Variants in MYH15 observed in about 807,000 individuals in gnomAD.
The protein encoded by MYH15 is myosin heavy chain 15, also known as myosin-15.
In MYH15, 227 loss-of-function variants were observed where a neutral mutation model predicts 240.5. That is an observed-to-expected ratio of 0.94 (90% CI 0.85 to 1.05). The LOEUF is 1.05. Among genes scored for constraint, MYH15 ranks in the 50% least tolerant of loss-of-function variants. The pLI is 0.00. For missense variants in MYH15, 2,217 were observed against 2,247.5 expected, an observed-to-expected ratio of 0.99 and a Z score of 0.27; for synonymous variants, 785 against 796.7, an observed-to-expected ratio of 0.99 and a Z score of 0.25.
chr3:108,398,903 T>C (rs1158618573), intron 34 of MYH15, 63 bp from the exon 35 acceptor site: 1 of 1,509,828 alleles, frequency 6.6e-7, no homozygotes, highest in Non-Finnish European at 9.2e-7. Flanking sequence ...ACTATGCACC[T>C]ACACATGCAT....
At position 108,510,590 on chromosome 3, in the gene MYH15, GA is replaced by G. The variant is rs150536264; in HGVS notation, c.-61del. 1.5e-3 allele frequency: 2,112 copies of G among 1,390,594 alleles called. No homozygotes were observed. The highest frequency in any genetic ancestry group is 6.0e-3 in the South Asian group (435 of 72,488). The allele number at this position is 1,390,594 out of a possible 1,614,324, so 86.1% of individuals were successfully genotyped here. On this transcript the variant is annotated 5_prime_UTR_variant, in exon 1 of 41. Coordinates refer to ENST00000693548, the MANE Select transcript of MYH15 (RefSeq NM_014981.3). ...AACGTGAGTAGGCAAGATTCAACCT[GA>G]AAAAAAAAAATTGATACAGAGAAGA...
intron 18 of MYH15, among the ~76,000 whole-genome samples, chr3:108,458,141 AT>A (rs1328157959): frequency 6.6e-6 from 1 of 152,238 alleles, no homozygotes; most frequent in East Asian, 1.9e-4. Flanking sequence ...GTACATATGA[AT>A]AACTGTTTTG....
intron 14 of MYH15, among the ~76,000 whole-genome samples, chr3:108,465,750 A>G (rs2083110217): frequency 6.6e-6 from 1 of 152,108 alleles, no homozygotes; most frequent in Non-Finnish European, 1.5e-5. Context: ...AACACGGTAA[A>G]ATCCTGTCTC....
At chr3:108,547,894 T>A in the MYH15 span, among the ~76,000 whole-genome samples, 2 of 152,166 alleles carry the variant, frequency 1.3e-5, no homozygotes, top group Non-Finnish European at 2.9e-5. Flanking sequence ...GCCCACAAAT[T>A]ACTTATTATT....
rs368092347 is a variant in MYH15, at chr3:108,441,178, T to G, written c.2738A>C (p.Glu913Ala). ...SKIQLEARVKELSERVEEEEE... is the reference protein window; with the variant it reads ...SKIQLEARVKALSERVEEEEE... ...TTCTTCCTCCACCCTCTCCGACAGC[T>G]CCTTTACTCTGGCCTCCAGCTGGAT... The change falls in exon 23 of 41, where the codon GAG becomes GCG. Residue 913 changes from glutamate (E) to alanine (A), a missense_variant. Glu to Ala is a moderately radical substitution (Grantham distance 107, BLOSUM62 -1). Coordinates refer to ENST00000693548, the MANE Select transcript of MYH15 (RefSeq NM_014981.3). 5 of 1,613,966 alleles carry G rather than the reference T, an allele frequency of 3.1e-6. No individual in the cohort carries two copies. The highest frequency in any genetic ancestry group is 1.6e-4 in the Middle Eastern group (1 of 6,084).
upstream of MYH15, among the ~76,000 whole-genome samples, chr3:108,532,105 A>G (rs76323440): frequency 5.9e-5 from 9 of 152,296 alleles, no homozygotes; most frequent in East Asian, 1.7e-3. Flanking sequence ...CAAAATTAAA[A>G]TAGAACATTT....
At chr3:108,438,985 T>C (rs1243641345) in intron 24 of MYH15, among the ~76,000 whole-genome samples, 1 of 151,358 alleles carries the variant, frequency 6.6e-6, no homozygotes, top group African/African-American at 2.4e-5. Context: ...TAGGAACAAA[T>C]GTAACACAAC....
At chr3:108,456,977 A>C in intron 18 of MYH15, 94 bp from the exon 19 acceptor site, 1 of 890,518 alleles carries the variant, frequency 1.1e-6, no homozygotes, top group South Asian at 1.5e-5. Flanking sequence ...GTTAAAAAGA[A>C]AGTCTGAATT....
At chr3:108,409,747 A>C (rs571771209) in intron 31 of MYH15, among the ~76,000 whole-genome samples, 1 of 152,306 alleles carries the variant, frequency 6.6e-6, no homozygotes, top group East Asian at 1.9e-4. Flanking sequence ...AATTCATTTC[A>C]TTACCCCAGC....
At chr3:108,397,831 G>A (rs2082473516) in intron 35 of MYH15, among the ~76,000 whole-genome samples, 1 of 152,178 alleles carries the variant, frequency 6.6e-6, no homozygotes, top group Admixed American at 6.5e-5. Context: ...TGCTGGGGAA[G>A]CACATGGCTT....
the MYH15 span, among the ~76,000 whole-genome samples, chr3:108,540,946 A>C: frequency 0.013 from 1,949 of 152,204 alleles, 55 homozygotes; most frequent in African/African-American, 0.044. Flanking sequence ...TATTTTATGA[A>C]TACAATGAAC....
chr3:108,399,294 G>C (rs1309649546), intron 33 of MYH15, 27 bp from the exon 34 acceptor site: 1 of 1,557,402 alleles, frequency 6.4e-7, no homozygotes, highest in East Asian at 2.3e-5. Context: ...TTTGGAGTGG[G>C]GGAAATGACA....
the MYH15 span, among the ~76,000 whole-genome samples, chr3:108,541,250 A>G: frequency 6.6e-6 from 1 of 151,976 alleles, no homozygotes; most frequent in African/African-American, 2.4e-5. Context: ...AAAATTCTCA[A>G]ATAAATATGA....
At chr3:108,530,358 T>C (rs1269595358), upstream of MYH15, among the ~76,000 whole-genome samples, 1 of 152,192 alleles carries the variant, frequency 6.6e-6, no homozygotes, top group Non-Finnish European at 1.5e-5. Context: ...ATACACTGTT[T>C]GACAATTGTA....
intron 14 of MYH15, among the ~76,000 whole-genome samples, chr3:108,466,006 A>G (rs2083113614): frequency 6.6e-6 from 1 of 152,178 alleles, no homozygotes; most frequent in South Asian, 2.1e-4. Flanking sequence ...AAAGGACCAT[A>G]TAGTTTCTGT....
In MYH15 at chr3:108,388,951, G is replaced by A. The variant is rs2082402871; in HGVS notation, c.5535+19C>T. The stretch of plus-strand genomic sequence containing the variant: ...GGTAGTGCCCAGCCAGACAAACAGG[G>A]AATGGTTTCCTGGAGTACCTGATAG... On this transcript the variant is annotated intron_variant, in intron 38 of 40. Coordinates refer to ENST00000693548, the MANE Select transcript of MYH15 (RefSeq NM_014981.3). 1.2e-6 allele frequency: 2 copies of A among 1,608,226 alleles called. No homozygotes were observed. Among genetic ancestry groups the A allele is most frequent in the Admixed American group, 1.7e-5 (1 of 59,642 alleles).
At chr3:108,519,311 A>G (rs1449186907) in intron 1 of MYH15, among the ~76,000 whole-genome samples, 1 of 152,236 alleles carries the variant, frequency 6.6e-6, no homozygotes, top group Non-Finnish European at 1.5e-5. Flanking sequence ...GATTTAAATA[A>G]GTAGTTTATT....
chr3:108,412,237 T>C (rs1282519728), intron 30 of MYH15, among the ~76,000 whole-genome samples: 1 of 152,178 alleles, frequency 6.6e-6, no homozygotes, highest in African/African-American at 2.4e-5. Context: ...AATTTAATCA[T>C]CGAGGCGGTA....
chr3:108,426,810 GC>G (rs1052755000), intron 27 of MYH15, among the ~76,000 whole-genome samples: 3 of 151,878 alleles, frequency 2.0e-5, no homozygotes, highest in African/African-American at 7.3e-5. Context: ...GAGAGCTCCT[GC>G]CAGGGGGGGG....
Sources: gnomAD v4.1 joint callset for allele counts (sites outside exome capture counted in the v4.1 genomes callset) on GRCh38, gnomAD v4.1.1 for gene constraint, MANE v1.5 for transcripts, NCBI Gene and HGNC (gene_info 2026-07-23, HGNC 2026-07-21) for gene names.